Variants in MYO18A observed in about 807,000 individuals in gnomAD.
MYO18A encodes the protein myosin XVIIIA, also known as unconventional myosin-XVIIIa.
Under a neutral mutation model 235.8 loss-of-function variants are expected in MYO18A, and 78 were observed. That is an observed-to-expected ratio of 0.33 (90% CI 0.28 to 0.40). MYO18A has a LOEUF of 0.40. Among genes scored for constraint, MYO18A ranks in the 10% least tolerant of loss-of-function variants. The pLI, the probability that MYO18A is intolerant of heterozygous loss-of-function variation, is 1.00. For synonymous variants in MYO18A, 977 were observed against 1,077.8 expected, an observed-to-expected ratio of 0.91 and a Z score of 1.83; for missense variants, 2,215 against 2,699.3, an observed-to-expected ratio of 0.82 and a Z score of 3.98.
At chr17:29,085,794 C>T (rs1336776757) in intron 39 of MYO18A, 146 bp from the exon 40 acceptor site, 12 of 734,564 alleles carry the variant, frequency 1.6e-5, no homozygotes, top group Admixed American at 1.6e-4. Flanking sequence ...TAGTGGGATG[C>T]GTGATGGCAC....
intron 2 of MYO18A, chr17:29,133,942 G>C: frequency 9.6e-7 from 1 of 1,043,652 alleles, no homozygotes; most frequent in African/African-American, 1.7e-5. Context: ...GATAAACACT[G>C]TGGGCAACAA....
Position 29,140,367 on chromosome 17 carries a change from G to A in MYO18A, c.1000-18114C>T, listed in dbSNP as rs1377911655. Reference sequence around the variant, plus strand: ...GCATGGCCTGGCCTGGAGCAGCCCAGAGCAAGGAGACTCCGCTCTGATGCT... The same window carrying A: ...GCATGGCCTGGCCTGGAGCAGCCCAAAGCAAGGAGACTCCGCTCTGATGCT... On this transcript the variant is annotated intron_variant, in intron 2 of 41. Transcript: ENST00000527372. This position sits in a 1 kb window ranked among gnomAD's most constrained non-coding sequence, Gnocchi z 4.2. 15 of 1,284,548 alleles carry A rather than the reference G, an allele frequency of 1.2e-5. No individual in the cohort carries two copies. The highest frequency in any genetic ancestry group is 1.5e-5 in the Non-Finnish European group (15 of 986,514). 79.6% of individuals were successfully genotyped at this position (1,284,548 alleles called of 1,614,324 possible).
Position 29,107,070 on chromosome 17 carries a change from C to T in MYO18A, c.3441+10G>A, listed in dbSNP as rs2066806366. ...GGCAGAGGGAGAGCGGTCTGGGGAC[C>T]TGGACCTACCCGCCTTTCATCCACC... On this transcript the variant is annotated intron_variant, in intron 20 of 41. Transcript: ENST00000527372. 1 of 1,613,584 alleles carries T rather than the reference C, an allele frequency of 6.2e-7. No individual in the cohort carries two copies. The highest frequency in any genetic ancestry group is 8.5e-7 in the Non-Finnish European group (1 of 1,179,504).
At chr17:29,078,996 G>C (rs1426454370) in intron 41 of MYO18A, 1 of 152,372 alleles carries the variant, frequency 6.6e-6, no homozygotes, top group Non-Finnish European at 1.5e-5. Flanking sequence ...TGTGTGGGCT[G>C]TAGCCCTGGG....
chr17:29,176,880 G>C (rs1463116265), intron 1 of MYO18A: 3 of 152,124 alleles, frequency 2.0e-5, no homozygotes, highest in African/African-American at 7.2e-5. Flanking sequence ...TTTCCCCGCG[G>C]CTGGGCCGGC....
rs1455171987 is a variant in MYO18A at position 29,155,682 on chromosome 17, G to A, written c.999+10260C>T. 3.9e-5 allele frequency among the ~76,000 whole-genome samples: 6 copies of A among 152,222 alleles called. No individual in the cohort carries two copies. In the South Asian group the frequency reaches 6.2e-4, roughly 16 times the overall value. ...GGGCCACCTCCAACCGAGGCTGGGTGGCCCCAGTAGGCCAGAGAACCTGGG... is the reference window on the plus strand; with the variant it reads ...GGGCCACCTCCAACCGAGGCTGGGTAGCCCCAGTAGGCCAGAGAACCTGGG... On this transcript the variant is annotated intron_variant, in intron 2 of 41. Transcript: ENST00000527372.
Position 29,090,532 on chromosome 17 carries a change from C to A in MYO18A, c.5388G>T (p.Lys1796Asn), listed in dbSNP as rs1405780658. 1.3e-6 allele frequency: 2 copies of A among 1,586,652 alleles called. No individual in the cohort carries two copies. Among genetic ancestry groups the A allele is most frequent in the Admixed American group, 3.6e-5 (2 of 56,204 alleles). ...ANKEKQELQE[K>N]LQALQSQVEF... ...TCCTGAGGGAGCCCCTGGTCCTCAC[C>A]TTCTCCTGCAGCTCCTGCTTCTCTT... The change falls in exon 36 of 42, where the codon AAG becomes AAT. Residue 1796 changes from lysine to asparagine, a missense_variant and splice_region_variant. By Grantham distance (94) the Lys-to-Asn change is moderately conservative. Transcript: ENST00000527372.
intron 2 of MYO18A, among the ~76,000 whole-genome samples, chr17:29,123,235 G>A (rs1567612999): frequency 6.6e-6 from 1 of 152,308 alleles, no homozygotes; most frequent in East Asian, 1.9e-4. Context: ...GGGACCCAGG[G>A]CCCATCGGGC....
intron 41 of MYO18A, chr17:29,078,668 T>A (rs1043374057): frequency 6.6e-6 from 1 of 152,214 alleles, no homozygotes; most frequent in Non-Finnish European, 1.5e-5. Flanking sequence ...CAGCTTCACA[T>A]AAGCAGGGTG....
At chr17:29,172,872 G>C (rs2068436514) in intron 1 of MYO18A, among the ~76,000 whole-genome samples, 1 of 152,188 alleles carries the variant, frequency 6.6e-6, no homozygotes, top group Non-Finnish European at 1.5e-5. Context: ...GCAATTTGTA[G>C]GGGCAGAAAT....
In MYO18A at chr17:29,073,019, T is replaced by C. The variant is rs1212906756; in HGVS notation, c.*1751A>G. 1 of 151,860 alleles carries C rather than the reference T, an allele frequency of 6.6e-6. No homozygotes were observed. The highest frequency in any genetic ancestry group is 1.5e-5 in the Non-Finnish European group (1 of 68,004). 9.4% of individuals were successfully genotyped at this position (151,860 alleles called of 1,614,324 possible). On this transcript the variant is annotated 3_prime_UTR_variant, in exon 42 of 42. Coordinates refer to ENST00000527372, the MANE Select transcript of MYO18A (RefSeq NM_078471.4). ...TTTGATCAAAAAGTCACCTTTGAAATGGCTAAAATTAAGCTTTTAAAAAAT... is the reference window on the plus strand; with the variant it reads ...TTTGATCAAAAAGTCACCTTTGAAACGGCTAAAATTAAGCTTTTAAAAAAT...
intron 41 of MYO18A, chr17:29,079,825 T>C: frequency 2.0e-6 from 2 of 986,090 alleles, no homozygotes; most frequent in Non-Finnish European, 2.4e-6. Context: ...CCGGTGCGTC[T>C]GCCCAGTTTC....
At chr17:29,116,646 T>C (rs1259036627) in intron 10 of MYO18A, among the ~76,000 whole-genome samples, 191 bp from the exon 11 acceptor site, 1 of 67,996 alleles carries the variant, frequency 1.5e-5, no homozygotes, top group East Asian at 7.7e-4. Flanking sequence ...AGTATGTTTG[T>C]GGGTGTAATC....
At position 29,118,860 on chromosome 17, in the gene MYO18A, T is replaced by C. The variant is rs2067134634; in HGVS notation, c.1830-420A>G. ...ATCTGAATGTCTGAAGGGAAGAGCG[T>C]GGCAGAGGCAGCCAACGTGGGGCAG... On this transcript the variant is annotated intron_variant, in intron 8 of 41. Transcript: ENST00000527372. The surrounding 1 kb of genome is among the most constrained non-coding windows in gnomAD (Gnocchi z 4.2). Among the ~76,000 whole-genome samples, 1 of 152,176 alleles carries C rather than the reference T, an allele frequency of 6.6e-6. No homozygotes were observed. Among genetic ancestry groups the C allele is most frequent in the African/African-American group, 2.4e-5 (1 of 41,418 alleles).
At chr17:29,130,474 C>CCACACACA (rs71135871) in intron 2 of MYO18A, among the ~76,000 whole-genome samples, 199 of 142,212 alleles carry the variant, frequency 1.4e-3, no homozygotes, top group Middle Eastern at 3.5e-3. Flanking sequence ...GAGGCCTCTC[C>CCACACACA]CACACACACA....
chr17:29,083,769 G>A (rs1340309665), intron 40 of MYO18A, among the ~76,000 whole-genome samples: 2 of 152,038 alleles, frequency 1.3e-5, no homozygotes, highest in Non-Finnish European at 2.9e-5. Context: ...TTACTGTGGT[G>A]CATGGGCCCC....
At chr17:29,137,566 T>C (rs1268722654) in intron 2 of MYO18A, among the ~76,000 whole-genome samples, 1 of 152,192 alleles carries the variant, frequency 6.6e-6, no homozygotes, top group Non-Finnish European at 1.5e-5. Flanking sequence ...CAGGAATGTA[T>C]GTCCAGTGAG....
At chr17:29,139,125 G>T (rs888267634) in intron 2 of MYO18A, among the ~76,000 whole-genome samples, 10 of 152,188 alleles carry the variant, frequency 6.6e-5, no homozygotes, top group African/African-American at 2.4e-4. Flanking sequence ...GAAAGCAGCC[G>T]GGCACCCGCC....
chr17:29,126,564 C>G lies in MYO18A; in HGVS notation c.1000-4311G>C, dbSNP rs1275056468. Among the ~76,000 whole-genome samples the G allele has an allele frequency of 6.6e-6, 1 of 152,054 alleles. No individual in the cohort carries two copies. Among genetic ancestry groups the G allele is most frequent in the African/African-American group, 2.4e-5 (1 of 41,396 alleles). Reference sequence around the variant, plus strand: ...AATGCCCAGGAAGAATGGGGAGCAACAAGGCTCCCCAGGTCCCAGGAGGTA... The same window carrying G: ...AATGCCCAGGAAGAATGGGGAGCAAGAAGGCTCCCCAGGTCCCAGGAGGTA... On this transcript the variant is annotated intron_variant, in intron 2 of 41. Transcript: ENST00000527372. This position sits in a 1 kb window ranked among gnomAD's most constrained non-coding sequence, Gnocchi z 4.1.
Sources: gnomAD v4.1 joint callset for allele counts (sites outside exome capture counted in the v4.1 genomes callset) on GRCh38, gnomAD v4.1.1 for gene constraint, Gnocchi (gnomAD v3.1) non-coding constraint, MANE v1.5 for transcripts, NCBI Gene and HGNC (gene_info 2026-07-23, HGNC 2026-07-21) for gene names.